The following PPM1L variants were observed in gnomAD, a reference collection of about 807,000 sequenced individuals.
PPM1L encodes protein phosphatase, Mg2+/Mn2+ dependent 1L.
A neutral mutation model predicts 31.4 loss-of-function variants in PPM1L; 13 were observed. That is an observed-to-expected ratio of 0.41 (90% CI 0.27 to 0.66). The LOEUF is 0.66. Ranked by LOEUF, PPM1L falls within the 30% of genes least tolerant of loss-of-function variation. The pLI is 0.29. For synonymous variants in PPM1L, 184 were observed against 175.4 expected (o/e 1.05, Z -0.39); for missense variants, 326 against 453.7 (o/e 0.72, Z 2.56).
intron 1 of PPM1L, among the ~76,000 whole-genome samples, chr3:160,905,575 A>C (rs933698059): frequency 6.6e-6 from 1 of 152,232 alleles, no homozygotes; most frequent in Non-Finnish European, 1.5e-5. Context: ...AATCATAATC[A>C]TAATATACTG....
At chr3:160,997,000 T>C (rs529462805) in intron 2 of PPM1L, among the ~76,000 whole-genome samples, 1 of 151,992 alleles carries the variant, frequency 6.6e-6, no homozygotes, top group East Asian at 1.9e-4. Flanking sequence ...GGACTTAAGG[T>C]GAGTGAGGAA....
chr3:160,802,037 A>G (rs538943501), intron 1 of PPM1L, among the ~76,000 whole-genome samples: 66 of 152,242 alleles, frequency 4.3e-4, no homozygotes, highest in African/African-American at 1.3e-3. Flanking sequence ...ATGACTTTAC[A>G]GAGTCATCTT....
At chr3:160,832,477 G>A (rs1273160228) in intron 1 of PPM1L, among the ~76,000 whole-genome samples, 1 of 152,140 alleles carries the variant, frequency 6.6e-6, no homozygotes, top group African/African-American at 2.4e-5. Context: ...GATTGTACAG[G>A]TGAGACTGGA....
intron 1 of PPM1L, among the ~76,000 whole-genome samples, chr3:160,887,428 TC>T (rs1712952622): frequency 6.6e-6 from 1 of 150,884 alleles, no homozygotes; most frequent in Non-Finnish European, 1.5e-5. Flanking sequence ...AGACACATAA[TC>T]ATAAAATTCT....
Position 160,965,190 on chromosome 3 carries a change from G to A in PPM1L, c.574+3280G>A, listed in dbSNP as rs918335017. Among the ~76,000 whole-genome samples, 5 of 151,758 alleles carry A rather than the reference G, an allele frequency of 3.3e-5. 1 individual carries two copies. The highest frequency in any genetic ancestry group is 3.3e-4 in the Admixed American group (5 of 15,200). ...GGCGTGAACCCAGGAGGCGGAGCTT[G>A]CAGTGAGCCGAGATCGCGCCACTGC... On this transcript the variant is annotated intron_variant, in intron 2 of 3. Coordinates refer to ENST00000498165, the MANE Select transcript of PPM1L (RefSeq NM_139245.4).
At chr3:160,815,827 G>T (rs1015244107) in intron 1 of PPM1L, among the ~76,000 whole-genome samples, 1 of 152,130 alleles carries the variant, frequency 6.6e-6, no homozygotes, top group African/African-American at 2.4e-5. Flanking sequence ...TTTGCTTAGG[G>T]CAGGGCTCTG....
rs1715295326 is a variant in PPM1L at position 160,772,892 on chromosome 3, A to C, written c.399+16185A>C. Among the ~76,000 whole-genome samples, 5 of 151,964 alleles carry C rather than the reference A, an allele frequency of 3.3e-5. No homozygotes were observed. In the South Asian group the frequency reaches 1.0e-3, roughly 31 times the overall value. On this transcript the variant is annotated intron_variant, in intron 1 of 3. Transcript: ENST00000498165. ...GAGATTCATCCATGTTGTTCCACTT[A>C]TCAATATTTCATTCATTTTTATTGC...
intron 2 of PPM1L, among the ~76,000 whole-genome samples, chr3:161,047,669 C>T (rs1225201901): frequency 1.3e-5 from 2 of 152,192 alleles, no homozygotes; most frequent in Non-Finnish European, 2.9e-5. Context: ...AGGCATCATG[C>T]TACCTGACTT....
intron 2 of PPM1L, among the ~76,000 whole-genome samples, chr3:161,018,684 T>G (rs1214916549): frequency 1.3e-5 from 2 of 152,212 alleles, no homozygotes; most frequent in African/African-American, 4.8e-5. Flanking sequence ...ATATAAAATT[T>G]AAACCTAAAA....
At chr3:160,781,116 C>T (rs1365855209) in intron 1 of PPM1L, among the ~76,000 whole-genome samples, 4 of 152,142 alleles carry the variant, frequency 2.6e-5, no homozygotes, top group African/African-American at 4.8e-5. Context: ...AATGAATTTT[C>T]ACCAACAGAA....
chr3:160,785,145 G>A (rs1376363810), intron 1 of PPM1L, among the ~76,000 whole-genome samples: 3 of 152,160 alleles, frequency 2.0e-5, no homozygotes, highest in Admixed American at 6.5e-5. Context: ...TACTCTGCTA[G>A]CCACTGTGCT....
intron 1 of PPM1L, among the ~76,000 whole-genome samples, chr3:160,770,093 A>G (rs1223250473): frequency 6.6e-6 from 1 of 152,068 alleles, no homozygotes; most frequent in African/African-American, 2.4e-5. Context: ...ATGCTTACTG[A>G]CTCAACTTCC....
intron 2 of PPM1L, among the ~76,000 whole-genome samples, chr3:161,044,102 C>T (rs1406561813): frequency 6.6e-6 from 1 of 152,008 alleles, no homozygotes; most frequent in African/African-American, 2.4e-5. Context: ...TGCAGTGGTG[C>T]GATTTTGGTT....
At chr3:160,810,309 C>A (rs977744610) in intron 1 of PPM1L, among the ~76,000 whole-genome samples, 5 of 152,034 alleles carry the variant, frequency 3.3e-5, no homozygotes, top group Admixed American at 3.3e-4. Context: ...GCTCTCACTC[C>A]TGTTTCAATT....
chr3:160,768,112 A>T (rs1023699429), intron 1 of PPM1L, among the ~76,000 whole-genome samples: 1 of 152,210 alleles, frequency 6.6e-6, no homozygotes, highest in Non-Finnish European at 1.5e-5. Flanking sequence ...AGAGTTTGAG[A>T]TTAAGAAGTT....
chr3:161,001,283 T>G (rs1717471541), intron 2 of PPM1L, among the ~76,000 whole-genome samples: 1 of 151,664 alleles, frequency 6.6e-6, no homozygotes, highest in African/African-American at 2.4e-5. Flanking sequence ...AGTCTATAGT[T>G]TTTTGTTTTT....
At chr3:160,811,622 T>C (rs1445980030) in intron 1 of PPM1L, among the ~76,000 whole-genome samples, 1 of 152,238 alleles carries the variant, frequency 6.6e-6, no homozygotes, top group Non-Finnish European at 1.5e-5. Context: ...ATATTCTTAA[T>C]TGTGCTCTCT....
chr3:160,864,468 C>T (rs1009869121), intron 1 of PPM1L, among the ~76,000 whole-genome samples: 31 of 152,334 alleles, frequency 2.0e-4, no homozygotes, highest in South Asian at 4.1e-4. Context: ...TGAGCCACCA[C>T]GCCCAGTCAC....
At chr3:160,915,986 G>A (rs1380326989) in intron 1 of PPM1L, among the ~76,000 whole-genome samples, 1 of 152,112 alleles carries the variant, frequency 6.6e-6, no homozygotes, top group Non-Finnish European at 1.5e-5. Flanking sequence ...TACCATTCAG[G>A]ACATAGGCAT....
Sources: allele counts gnomAD v4.1 joint callset (sites outside exome capture counted in the v4.1 genomes callset), GRCh38; gene constraint gnomAD v4.1.1; transcripts MANE v1.5; gene names NCBI Gene and HGNC (gene_info 2026-07-23, HGNC 2026-07-21).